The following EHBP1 variants were observed in gnomAD, a reference collection of about 807,000 sequenced individuals.
EHBP1 encodes the protein EH domain binding protein 1, also known as EH domain-binding protein 1.
In EHBP1, 55 loss-of-function variants were observed where a neutral mutation model predicts 144.0. The observed-to-expected ratio is 0.38, with a 90% confidence interval of 0.31 to 0.48. The LOEUF (loss-of-function observed/expected upper bound fraction) is 0.48, where lower values mean the gene tolerates loss of function less well. EHBP1 is among the 20% of genes least tolerant of loss of function. EHBP1 has a pLI of 0.98. For synonymous variants in EHBP1, 469 were observed against 472.7 expected (o/e 0.99, Z 0.10); for missense variants, 1,200 against 1,364.2 (o/e 0.88, Z 1.90).
intron 2 of EHBP1, among the ~76,000 whole-genome samples, chr2:62,708,086 A>T (rs997073939): frequency 6.6e-6 from 1 of 152,162 alleles, no homozygotes; most frequent in African/African-American, 2.4e-5. Flanking sequence ...GCAGTAATGG[A>T]CTTATTGCAA....
At chr2:62,729,523 A>ATATATATAATATATATTAT (rs2037259640) in intron 2 of EHBP1, among the ~76,000 whole-genome samples, 1 of 91,898 alleles carries the variant, frequency 1.1e-5, no homozygotes, top group South Asian at 2.8e-4. Context: ...AAAATAAATA[A>ATATATATAATATATATTAT]ATATAATATA....
At chr2:62,703,530 G>C (rs115829084), upstream of EHBP1, among the ~76,000 whole-genome samples, 3,744 of 152,260 alleles carry the variant, frequency 0.025, 83 homozygotes, top group Non-Finnish European at 0.034. Flanking sequence ...ATGAACATGA[G>C]GTCAGTGGCA....
chr2:63,032,473 A>G (rs547833570), intron 19 of EHBP1, among the ~76,000 whole-genome samples: 10 of 147,692 alleles, frequency 6.8e-5, no homozygotes, highest in South Asian at 2.2e-4. Flanking sequence ...AGGCTGAGGC[A>G]GGAGAATTGT....
intron 4 of EHBP1, among the ~76,000 whole-genome samples, chr2:62,768,920 A>T (rs543506118): frequency 6.6e-6 from 1 of 152,324 alleles, no homozygotes; most frequent in East Asian, 1.9e-4. Context: ...AAACCACATG[A>T]TTATCTCAAT....
chr2:62,729,820 T>C (rs1482663018), intron 2 of EHBP1, among the ~76,000 whole-genome samples: 1 of 151,578 alleles, frequency 6.6e-6, no homozygotes, highest in African/African-American at 2.4e-5. Flanking sequence ...ACCAGAAATA[T>C]ATGAGAGTGC....
intron 19 of EHBP1, among the ~76,000 whole-genome samples, chr2:63,015,867 G>A (rs946691470): frequency 6.6e-6 from 1 of 151,994 alleles, no homozygotes; most frequent in Non-Finnish European, 1.5e-5. Context: ...AGTTTTCTAG[G>A]TTATTAAAGT....
At chr2:62,702,342 T>C (rs2034300926), upstream of EHBP1, among the ~76,000 whole-genome samples, 1 of 152,198 alleles carries the variant, frequency 6.6e-6, no homozygotes, top group African/African-American at 2.4e-5. Context: ...GGATAATTAA[T>C]GTAACTTGCA....
At chr2:62,733,184 A>G (rs533504012) in intron 2 of EHBP1, among the ~76,000 whole-genome samples, 34 of 152,302 alleles carry the variant, frequency 2.2e-4, no homozygotes, top group African/African-American at 7.7e-4. Context: ...TGTACTGGGT[A>G]TGTGAAATTG....
At chr2:62,888,204 C>T (rs1258175655) in intron 10 of EHBP1, among the ~76,000 whole-genome samples, 1 of 152,184 alleles carries the variant, frequency 6.6e-6, no homozygotes, top group African/African-American at 2.4e-5. Flanking sequence ...TTGACTCACA[C>T]TAGTCCCAGC....
intron 10 of EHBP1, among the ~76,000 whole-genome samples, chr2:62,917,497 C>G (rs964168193): frequency 1.3e-5 from 2 of 152,018 alleles, no homozygotes; most frequent in Non-Finnish European, 2.9e-5. Flanking sequence ...TTAAGGAAAA[C>G]ATTAAGTAGT....
intron 5 of EHBP1, among the ~76,000 whole-genome samples, chr2:62,809,263 C>G (rs1164652070): frequency 2.7e-5 from 4 of 148,178 alleles, no homozygotes. Flanking sequence ...TGCACTCCAG[C>G]CTGGGCAACA....
intron 19 of EHBP1, among the ~76,000 whole-genome samples, chr2:63,007,640 G>A (rs1167167182): frequency 7.9e-5 from 12 of 151,608 alleles, no homozygotes; most frequent in Admixed American, 7.2e-4. Flanking sequence ...CCTGTCCTCC[G>A]TGTATATCGC....
At chr2:63,015,592 T>C (rs1208453841) in intron 19 of EHBP1, among the ~76,000 whole-genome samples, 3 of 151,990 alleles carry the variant, frequency 2.0e-5, no homozygotes, top group Non-Finnish European at 4.4e-5. Context: ...AGCAATTACG[T>C]TGCCTCATCC....
intron 18 of EHBP1, among the ~76,000 whole-genome samples, chr2:62,994,959 A>G (rs1228608309): frequency 6.6e-6 from 1 of 152,286 alleles, no homozygotes; most frequent in East Asian, 1.9e-4. Context: ...AACTGAACCA[A>G]TCAGTAAGAG....
intron 2 of EHBP1, among the ~76,000 whole-genome samples, chr2:62,712,536 G>A (rs910631272): frequency 2.0e-5 from 3 of 152,218 alleles, no homozygotes; most frequent in African/African-American, 7.2e-5. Flanking sequence ...TGCAGGCATG[G>A]AATAGATAGA....
At chr2:62,939,771 G>A (rs2056625505) in intron 10 of EHBP1, 2 of 160,202 alleles carry the variant, frequency 1.2e-5, no homozygotes, top group Non-Finnish European at 2.7e-5. Context: ...AAGGCCCCAA[G>A]GTAGAAACAT....
intron 9 of EHBP1, among the ~76,000 whole-genome samples, chr2:62,866,862 C>G (rs1049434151): frequency 6.6e-6 from 1 of 152,006 alleles, no homozygotes; most frequent in African/African-American, 2.4e-5. Context: ...AACAAACCTA[C>G]AGGTCAAAGA....
At chr2:62,714,384 T>G (rs1384880902) in intron 2 of EHBP1, among the ~76,000 whole-genome samples, 2 of 152,172 alleles carry the variant, frequency 1.3e-5, no homozygotes, top group East Asian at 3.9e-4. Context: ...TCAAACTACA[T>G]AAGTAACAGA....
chr2:63,023,902 A>G (rs1378465766), intron 19 of EHBP1, among the ~76,000 whole-genome samples: 1 of 152,218 alleles, frequency 6.6e-6, no homozygotes, highest in Non-Finnish European at 1.5e-5. Context: ...AAAATTAGAG[A>G]TAGTTTTATA....
Sources: allele counts gnomAD v4.1 joint callset (sites outside exome capture counted in the v4.1 genomes callset), GRCh38; gene constraint gnomAD v4.1.1; transcripts MANE v1.5; gene names NCBI Gene and HGNC (gene_info 2026-07-23, HGNC 2026-07-21).